The following THSD7B variants were observed in gnomAD, a reference collection of about 807,000 sequenced individuals.
THSD7B encodes thrombospondin type 1 domain containing 7B, also known as thrombospondin type-1 domain-containing protein 7B.
A neutral mutation model predicts 213.6 loss-of-function variants in THSD7B; 138 were observed. The ratio of observed to expected loss-of-function variants is 0.65; its 90% confidence interval spans 0.56 to 0.74. The LOEUF is 0.74. Among genes scored for constraint, THSD7B ranks in the 30% least tolerant of loss-of-function variants. The pLI, the probability that THSD7B is intolerant of heterozygous loss-of-function variation, is 0.00. For synonymous variants in THSD7B, 742 were observed against 687.0 expected, an observed-to-expected ratio of 1.08 and a Z score of -1.25; for missense variants, 1,931 against 1,991.5, an observed-to-expected ratio of 0.97 and a Z score of 0.58.
At chr2:137,628,302 A>G (rs543181801) in intron 20 of THSD7B, among the ~76,000 whole-genome samples, 61 of 152,300 alleles carry the variant, frequency 4.0e-4, no homozygotes, top group Admixed American at 7.2e-4. Flanking sequence ...CATAGCCTAT[A>G]TGATGTTCTA....
intron 9 of THSD7B, among the ~76,000 whole-genome samples, chr2:137,236,551 A>T (rs549325983): frequency 6.6e-6 from 1 of 152,332 alleles, no homozygotes; most frequent in East Asian, 1.9e-4. Context: ...GATAATAAAG[A>T]TTGAAAACAC....
chr2:137,045,802 C>T (rs1686958216), intron 2 of THSD7B, among the ~76,000 whole-genome samples: 2 of 152,054 alleles, frequency 1.3e-5, no homozygotes, highest in African/African-American at 4.8e-5. Context: ...CTGGGTACCC[C>T]ATTGCTGTAT....
intron 16 of THSD7B, among the ~76,000 whole-genome samples, chr2:137,569,176 A>T (rs1358755878): frequency 6.6e-6 from 1 of 152,192 alleles, no homozygotes; most frequent in African/African-American, 2.4e-5. Flanking sequence ...GTGTCCCCTG[A>T]ACCTGGAAAA....
intron 1 of THSD7B, among the ~76,000 whole-genome samples, chr2:136,831,395 T>C (rs1682753151): frequency 1.3e-5 from 2 of 152,190 alleles, no homozygotes; most frequent in Non-Finnish European, 2.9e-5. Context: ...GGATAAATGA[T>C]CAGGCAAAGC....
intron 14 of THSD7B, among the ~76,000 whole-genome samples, chr2:137,447,199 T>C (rs1441521485): frequency 6.6e-6 from 1 of 151,996 alleles, no homozygotes; most frequent in African/African-American, 2.4e-5. Context: ...CTTCTTATCA[T>C]AGGGAAAGAA....
intron 2 of THSD7B, among the ~76,000 whole-genome samples, chr2:137,031,058 C>T (rs1277095132): frequency 6.6e-6 from 1 of 152,144 alleles, no homozygotes; most frequent in Non-Finnish European, 1.5e-5. Context: ...GTGCAATTAG[C>T]AGAGGCCAGG....
chr2:136,967,354 G>A (rs183103777), intron 2 of THSD7B, among the ~76,000 whole-genome samples: 95 of 152,142 alleles, frequency 6.2e-4, no homozygotes, highest in African/African-American at 2.0e-3. Context: ...GAATAAAATC[G>A]TGAAGACATT....
rs1680730028 is a variant in THSD7B at position 137,546,443 on chromosome 2, ATTATATATATATTATATATAAT to A, written c.3139-16777_3139-16756del. On this transcript the variant is annotated intron_variant, in intron 15 of 27. Coordinates refer to ENST00000409968, the MANE Select transcript of THSD7B (RefSeq NM_001316349.2). ...TATATATTATATATATATTATATAT[ATTATATATATATTATATATAAT>A]ATATATATATATAATATATATATAT... 2.0e-4 allele frequency among the ~76,000 whole-genome samples: 6 copies of A among 29,626 alleles called. 1 individual carries two copies. The highest frequency in any genetic ancestry group is 5.5e-4 in the Admixed American group (1 of 1,810). The allele number at this position is 29,626 out of a possible 152,430, so 19.4% of individuals were successfully genotyped here.
intron 15 of THSD7B, among the ~76,000 whole-genome samples, chr2:137,494,268 A>G (rs1001300271): frequency 2.0e-5 from 3 of 152,130 alleles, no homozygotes; most frequent in African/African-American, 4.8e-5. Flanking sequence ...TTTCCTTAAC[A>G]TCTTCATTTT....
chr2:136,834,655 T>C (rs1243913039), intron 1 of THSD7B, among the ~76,000 whole-genome samples: 1 of 152,128 alleles, frequency 6.6e-6, no homozygotes, highest in East Asian at 1.9e-4. Flanking sequence ...ATTCTATAAA[T>C]TGTGAAATGC....
At chr2:137,157,160 A>G (rs1372462932) in intron 5 of THSD7B, among the ~76,000 whole-genome samples, 1 of 152,208 alleles carries the variant, frequency 6.6e-6, no homozygotes, top group East Asian at 1.9e-4. Context: ...GTCTGAGTCC[A>G]GTGGGAGCAA....
intron 12 of THSD7B, among the ~76,000 whole-genome samples, chr2:137,370,623 C>A (rs1024227658): frequency 6.6e-6 from 1 of 152,060 alleles, no homozygotes; most frequent in African/African-American, 2.4e-5. Context: ...CATACACAAC[C>A]ATGCTTGGCT....
At chr2:137,503,692 C>T (rs564647129) in intron 15 of THSD7B, among the ~76,000 whole-genome samples, 1 of 152,236 alleles carries the variant, frequency 6.6e-6, no homozygotes, top group South Asian at 2.1e-4. Context: ...CTAGTTCCCT[C>T]CTCTGTTAAG....
chr2:137,126,362 A>T (rs1429122191), intron 5 of THSD7B, among the ~76,000 whole-genome samples: 1 of 152,122 alleles, frequency 6.6e-6, no homozygotes. Flanking sequence ...CTACATTAGC[A>T]CTTGCTGCTT....
At chr2:136,804,219 A>C (rs75418345) in intron 1 of THSD7B, among the ~76,000 whole-genome samples, 1 of 152,146 alleles carries the variant, frequency 6.6e-6, no homozygotes, top group Non-Finnish European at 1.5e-5. Context: ...GATCTTCAGC[A>C]ATGTAATTAC....
chr2:136,994,730 T>C (rs552928980), intron 2 of THSD7B, among the ~76,000 whole-genome samples: 54 of 152,318 alleles, frequency 3.5e-4, no homozygotes, highest in Non-Finnish European at 6.2e-4. Flanking sequence ...GTACAACAAG[T>C]GTAAACAACT....
rs866672107 is a variant in THSD7B at position 137,546,479 on chromosome 2, A to T, written c.3139-16742A>T. Among the ~76,000 whole-genome samples, 358 of 52,504 alleles carry T rather than the reference A, an allele frequency of 6.8e-3. 33 individuals are homozygous for T. The highest frequency in any genetic ancestry group is 8.8e-3 in the East Asian group (17 of 1,926). The allele number at this position is 52,504 out of a possible 152,430, so 34.4% of individuals were successfully genotyped here. On this transcript the variant is annotated intron_variant, in intron 15 of 27. Transcript: ENST00000409968. ...ATTATATATAATATATATATATATA[A>T]TATATATATATATATATTAACATAC...
At chr2:137,146,768 G>A (rs184076097) in intron 5 of THSD7B, among the ~76,000 whole-genome samples, 3 of 152,078 alleles carry the variant, frequency 2.0e-5, no homozygotes, top group Non-Finnish European at 2.9e-5. Context: ...TATCATAAGG[G>A]AGGAAAAGAC....
chr2:137,638,213 T>C (rs1288018452), intron 20 of THSD7B, among the ~76,000 whole-genome samples: 1 of 152,166 alleles, frequency 6.6e-6, no homozygotes, highest in Non-Finnish European at 1.5e-5. Flanking sequence ...ATCTCAAACT[T>C]GAATTGTATC....
Sources: allele counts gnomAD v4.1 joint callset (sites outside exome capture counted in the v4.1 genomes callset), GRCh38; gene constraint gnomAD v4.1.1; transcripts MANE v1.5; gene names NCBI Gene and HGNC (gene_info 2026-07-23, HGNC 2026-07-21).